CPM: variants seen among roughly 807,000 people sequenced by gnomAD.
CPM encodes the protein carboxypeptidase M, also known as renal carboxypeptidase.
CPM carries 35 observed loss-of-function variants against 46.4 expected under a neutral mutation model. The ratio of observed to expected loss-of-function variants is 0.75; its 90% CI spans 0.58 to 1.00. The LOEUF (loss-of-function observed/expected upper bound fraction) is 1.00, where lower values mean the gene tolerates loss of function less well. Among genes scored for constraint, CPM ranks in the 50% least tolerant of loss-of-function variants. The probability of loss-of-function intolerance (pLI) is 0.00; values close to 1 mark genes in which losing one functional copy is unlikely to be tolerated. For synonymous variants in CPM, 195 were observed against 195.3 expected, an observed-to-expected ratio of 1.00 and a Z score of 0.01; for missense variants, 422 against 530.4, an observed-to-expected ratio of 0.80 and a Z score of 2.01.
At chr12:68,948,498 T>C (rs569220156) in intron 1 of CPM, among the ~76,000 whole-genome samples, 2 of 151,982 alleles carry the variant, frequency 1.3e-5, no homozygotes, top group Admixed American at 6.6e-5. Flanking sequence ...TTAGAGTATA[T>C]AGGGAGTTGG....
intron 1 of CPM, among the ~76,000 whole-genome samples, chr12:68,938,811 C>CACACA (rs905087192): frequency 2.0e-5 from 3 of 150,978 alleles, no homozygotes; most frequent in African/African-American, 7.3e-5. Context: ...TGTGTATACA[C>CACACA]ACACACACAC....
At chr12:68,866,626 G>A (rs917317494) in intron 7 of CPM, among the ~76,000 whole-genome samples, 9 of 152,192 alleles carry the variant, frequency 5.9e-5, no homozygotes, top group African/African-American at 1.9e-4. Flanking sequence ...TTACAGGCAT[G>A]AGCCACCACG....
intron 1 of CPM, among the ~76,000 whole-genome samples, chr12:68,953,344 G>A (rs930593591): frequency 1.3e-5 from 2 of 151,974 alleles, no homozygotes; most frequent in African/African-American, 4.8e-5. Flanking sequence ...TCCGTGCATG[G>A]AATATTCTTC....
intron 3 of CPM, among the ~76,000 whole-genome samples, chr12:68,879,724 G>C (rs1395845249): frequency 1.3e-5 from 2 of 152,010 alleles, no homozygotes; most frequent in Non-Finnish European, 2.9e-5. Flanking sequence ...CATTAGGCAG[G>C]AATTAAAGAT....
intron 2 of CPM, among the ~76,000 whole-genome samples, chr12:68,906,726 G>A (rs1044823560): frequency 6.6e-5 from 10 of 152,050 alleles, no homozygotes; most frequent in Non-Finnish European, 1.0e-4. Context: ...CAAATGATCC[G>A]CCCGCCTCAG....
chr12:68,902,400 A>G (rs551884869), intron 2 of CPM, among the ~76,000 whole-genome samples: 4 of 152,340 alleles, frequency 2.6e-5, no homozygotes, highest in South Asian at 4.1e-4. Context: ...TCTTCAGCTT[A>G]TCAAAGCACT....
At chr12:68,931,765 AAGAAAGAAAG>A (rs1888518965) in intron 2 of CPM, among the ~76,000 whole-genome samples, 1 of 117,724 alleles carries the variant, frequency 8.5e-6, no homozygotes, top group Non-Finnish European at 1.8e-5. Context: ...AAAAAAAAAA[AAGAAAGAAAG>A]AAAGAAAGAA....
At chr12:68,945,241 A>C (rs1888827148) in intron 1 of CPM, among the ~76,000 whole-genome samples, 1 of 152,010 alleles carries the variant, frequency 6.6e-6, no homozygotes. Flanking sequence ...TTAGGGAGGG[A>C]CTGTTATCAT....
rs1885715527 is a variant in CPM at position 68,871,900 on chromosome 12, G to T, written c.315C>A (p.Gly105=). 1 of 1,614,144 alleles carries T rather than the reference G, an allele frequency of 6.2e-7. No homozygotes were observed. Among genetic ancestry groups the T allele is most frequent in the African/African-American group, 1.3e-5 (1 of 75,036 alleles). Residue 105 remains glycine (G), a synonymous_variant, in exon 4 of 9, where the codon GGC becomes GGA. Transcript: ENST00000551568. ...HLIDYLVTSD[G]KDPEITNLIN... The stretch of plus-strand genomic sequence containing the variant: ...TCAGATTTGTGATTTCAGGGTCTTT[G>T]CCATCACTGGTTACGAGATAGTCAA...
At chr12:68,924,278 T>G (rs1349740921) in intron 2 of CPM, among the ~76,000 whole-genome samples, 2 of 151,784 alleles carry the variant, frequency 1.3e-5, no homozygotes, top group Admixed American at 1.3e-4. Context: ...GGGCAGATTA[T>G]GAGGTCAGGA....
At chr12:68,943,913 CT>C (rs1555202181) in intron 1 of CPM, among the ~76,000 whole-genome samples, 10 of 151,546 alleles carry the variant, frequency 6.6e-5, no homozygotes, top group Non-Finnish European at 1.5e-5. Context: ...AATCTGCCAT[CT>C]TTGTTAATAC....
intron 1 of CPM, among the ~76,000 whole-genome samples, chr12:68,945,993 C>T (rs1888840955): frequency 6.6e-6 from 1 of 151,652 alleles, no homozygotes; most frequent in South Asian, 2.1e-4. Flanking sequence ...GCTGGGACTA[C>T]AGGTGTGCAC....
At chr12:68,908,771 G>A (rs74099468) in intron 2 of CPM, among the ~76,000 whole-genome samples, 2,932 of 152,046 alleles carry the variant, frequency 0.019, 91 homozygotes, top group African/African-American at 0.068. Context: ...AAGGACTGAC[G>A]AATACGATCT....
chr12:68,941,171 G>A (rs1387116965), intron 1 of CPM, among the ~76,000 whole-genome samples: 2 of 32,572 alleles, frequency 6.1e-5, no homozygotes, highest in African/African-American at 6.4e-4. Context: ...TGCTGAGTAC[G>A]TGTGTGTGTG....
chr12:68,879,766 G>T (rs1465813375), intron 3 of CPM, among the ~76,000 whole-genome samples: 1 of 152,112 alleles, frequency 6.6e-6, no homozygotes, highest in East Asian at 1.9e-4. Context: ...CCCAAGAAAA[G>T]TATTTTTTCT....
rs1884871092 is a variant in CPM at position 68,854,485 on chromosome 12, C to T, written c.*1952G>A. ...TTTGGGGAGCAAAGAGAAAGGGTCC[C>T]TAACCCCAGACTGCCTGCGAAGAGG... is the stretch of plus-strand genomic sequence containing the variant. On this transcript the variant is annotated 3_prime_UTR_variant, in exon 9 of 9. Transcript: ENST00000551568. 6.6e-6 allele frequency: 1 copy of T among 152,170 alleles called. No homozygotes were observed. 9.4% of individuals were successfully genotyped at this position (152,170 alleles called of 1,614,324 possible).
Position 68,871,958 on chromosome 12 carries a change from T to A in CPM, c.259-2A>T. 1 of 1,613,960 alleles carries A rather than the reference T, an allele frequency of 6.2e-7. No individual in the cohort carries two copies. Among genetic ancestry groups the A allele is most frequent in the Non-Finnish European group, 8.5e-7 (1 of 1,179,984 alleles). On this transcript the variant is annotated splice_acceptor_variant, in intron 3 of 8. Coordinates refer to ENST00000551568, the MANE Select transcript of CPM (RefSeq NM_198320.5). LOFTEE classifies it high-confidence loss of function. Reference sequence around the variant, plus strand: ...GAGCAGCAGCTCCCGCCCAACAGTCTATATGTGTTAAAGAGAAAAGAGGAC... The same window carrying A: ...GAGCAGCAGCTCCCGCCCAACAGTCAATATGTGTTAAAGAGAAAAGAGGAC...
Position 68,870,337 on chromosome 12 carries a change from A to G in CPM, c.494T>C (p.Val165Ala). The change falls in exon 5 of 9, where the codon GTC becomes GCC. Residue 165 changes from valine (V) to alanine (A), a missense_variant. Transcript: ENST00000551568. Reference protein sequence around the residue: ...NFPDAFEYNNVSRQPETVAVM... With the variant: ...NFPDAFEYNNASRQPETVAVM... ...TGCCACAGTTTCAGGCTGCCTTGAG[A>G]CATTATTATATTCAAAAGCATCGGG... 6.2e-7 allele frequency: 1 copy of G among 1,614,182 alleles called. No individual in the cohort carries two copies. The highest frequency in any genetic ancestry group is 1.1e-5 in the South Asian group (1 of 91,086).
chr12:68,903,377 T>C (rs1887197239), intron 2 of CPM, among the ~76,000 whole-genome samples: 1 of 152,190 alleles, frequency 6.6e-6, no homozygotes, highest in Non-Finnish European at 1.5e-5. Context: ...CACTGAATGT[T>C]AAGGCTCTGA....
Sources: allele counts gnomAD v4.1 joint callset (sites outside exome capture counted in the v4.1 genomes callset), GRCh38; gene constraint gnomAD v4.1.1; transcripts MANE v1.5; gene names NCBI Gene and HGNC (gene_info 2026-07-23, HGNC 2026-07-21).